Variants in GORASP2 observed in about 807,000 individuals in gnomAD.
The protein encoded by GORASP2 is Golgi reassembly-stacking protein 2.
GORASP2 carries 22 observed loss-of-function variants against 45.7 expected under a neutral mutation model. The ratio of observed to expected loss-of-function variants is 0.48; its 90% CI spans 0.34 to 0.69. The LOEUF (loss-of-function observed/expected upper bound fraction) is 0.69. Ranked by LOEUF, GORASP2 falls within the 30% of genes least tolerant of loss-of-function variation. GORASP2 has a pLI of 0.01. For missense variants in GORASP2, 491 were observed against 562.7 expected (o/e 0.87, Z 1.29); for synonymous variants, 221 against 215.6 (o/e 1.02, Z -0.22).
intron 7 of GORASP2, among the ~76,000 whole-genome samples, chr2:170,959,381 C>G (rs1229317019): frequency 6.6e-6 from 1 of 152,240 alleles, no homozygotes; most frequent in Non-Finnish European, 1.5e-5. Context: ...CTGATAAACA[C>G]ATGCACGGAG....
chr2:170,940,191 A>G (rs367839361), intron 1 of GORASP2, among the ~76,000 whole-genome samples: 1 of 152,252 alleles, frequency 6.6e-6, no homozygotes, highest in Non-Finnish European at 1.5e-5. Context: ...AGAAACATGG[A>G]TAAGTGTGTC....
chr2:170,952,755 A>C (rs1182657314), intron 5 of GORASP2, among the ~76,000 whole-genome samples: 1 of 152,208 alleles, frequency 6.6e-6, no homozygotes, highest in Non-Finnish European at 1.5e-5. Flanking sequence ...AGTTCACTGC[A>C]GCCTTTAACT....
chr2:170,941,891 C>T (rs1025018705), intron 1 of GORASP2, among the ~76,000 whole-genome samples: 7 of 152,110 alleles, frequency 4.6e-5, no homozygotes, highest in East Asian at 3.9e-4. Flanking sequence ...TTGGAATATA[C>T]GGTCAAAAGG....
chr2:170,947,300 T>C (rs1379296914), intron 1 of GORASP2, among the ~76,000 whole-genome samples: 1 of 152,246 alleles, frequency 6.6e-6, no homozygotes, highest in Non-Finnish European at 1.5e-5. Flanking sequence ...CACACTACTC[T>C]GTTGTCTAGC....
intron 1 of GORASP2, among the ~76,000 whole-genome samples, chr2:170,942,666 T>C (rs1316968684): frequency 6.6e-6 from 1 of 152,238 alleles, no homozygotes; most frequent in Non-Finnish European, 1.5e-5. Flanking sequence ...CTATAAAATT[T>C]GTGTACAGGT....
chr2:170,933,749 A>G (rs946490886), intron 1 of GORASP2, among the ~76,000 whole-genome samples: 9 of 152,204 alleles, frequency 5.9e-5, no homozygotes, highest in Non-Finnish European at 1.0e-4. Flanking sequence ...TTCTGGAGCA[A>G]GTATTCAGTG....
intron 1 of GORASP2, among the ~76,000 whole-genome samples, chr2:170,935,748 G>A (rs1182339747): frequency 6.6e-6 from 1 of 151,732 alleles, no homozygotes. Flanking sequence ...CTAATTTTTT[G>A]TATTTTCGGT....
intron 1 of GORASP2, among the ~76,000 whole-genome samples, chr2:170,934,341 C>T (rs944667131): frequency 6.6e-6 from 1 of 151,006 alleles, no homozygotes; most frequent in Non-Finnish European, 1.5e-5. Flanking sequence ...AATGGCGCAT[C>T]TCGGCTCACT....
At chr2:170,945,381 A>C (rs1704159811) in intron 1 of GORASP2, among the ~76,000 whole-genome samples, 1 of 151,912 alleles carries the variant, frequency 6.6e-6, no homozygotes, top group South Asian at 2.1e-4. Context: ...CGCTAGAAAA[A>C]ATTTAAAAAT....
intron 7 of GORASP2, among the ~76,000 whole-genome samples, chr2:170,959,776 G>A (rs1023585278): frequency 4.6e-5 from 7 of 150,950 alleles, no homozygotes; most frequent in Admixed American, 3.3e-4. Context: ...AAGTGGCATC[G>A]ATCATTGTGA....
intron 1 of GORASP2, among the ~76,000 whole-genome samples, chr2:170,933,658 A>G (rs1351690716): frequency 1.3e-5 from 2 of 151,998 alleles, no homozygotes; most frequent in Non-Finnish European, 2.9e-5. Context: ...ACAGATGCCT[A>G]TTATAGGATC....
chr2:170,929,192 G>A (rs1007447225), upstream of GORASP2: 19 of 535,568 alleles, frequency 3.5e-5, no homozygotes. Context: ...GGCTGCAGCA[G>A]AGACGATCTC....
At position 170,948,350 on chromosome 2, in the gene GORASP2, G is replaced by T. The variant is rs1248683977; in HGVS notation, c.64G>T (p.Val22Leu). 6.4e-7 allele frequency: 1 copy of T among 1,572,304 alleles called. No individual in the cohort carries two copies. The highest frequency in any genetic ancestry group is 1.1e-5 in the South Asian group (1 of 88,146). ...ATTTTTGTCGTTTTTGTTTCCGCAGGTACAAGAAAATTCCCCAGGACACAG... is the reference window on the plus strand; with the variant it reads ...ATTTTTGTCGTTTTTGTTTCCGCAGTTACAAGAAAATTCCCCAGGACACAG... Reference protein sequence around the residue: ...GGTEGYHVLRVQENSPGHRAG... With the variant: ...GGTEGYHVLRLQENSPGHRAG... The change falls in exon 2 of 10, where the codon GTA (valine) becomes TTA (leucine). Residue 22 changes from valine (V) to leucine (L), a missense_variant and splice_region_variant. Around this residue, in one of 2 missense-constraint regions of GORASP2, gnomAD observed 194 missense variants for 270.4 expected, o/e 0.72. Transcript: ENST00000234160.
At chr2:170,963,186 A>T (rs1704604989) in intron 9 of GORASP2, among the ~76,000 whole-genome samples, 1 of 152,146 alleles carries the variant, frequency 6.6e-6, no homozygotes, top group Non-Finnish European at 1.5e-5. Flanking sequence ...CAGCCTGGCC[A>T]ACATGGCAAA....
Position 170,948,375 on chromosome 2 carries a change from G to A in GORASP2, c.89G>A (p.Arg30Lys). 6.2e-7 allele frequency: 1 copy of A among 1,602,040 alleles called. No homozygotes were observed. Among genetic ancestry groups the A allele is most frequent in the East Asian group, 2.2e-5 (1 of 44,700 alleles). ...GTACAAGAAAATTCCCCAGGACACA[G>A]AGCTGGTTTGGAGCCTTTCTTTGAT... is the stretch of plus-strand genomic sequence containing the variant. ...LRVQENSPGH[R>K]AGLEPFFDFI... Residue 30 changes from arginine to lysine, a missense_variant, in exon 2 of 10, where the codon AGA (arginine) becomes AAA (lysine). Arg to Lys is a conservative substitution (Grantham distance 26). Coordinates refer to ENST00000234160, the MANE Select transcript of GORASP2 (RefSeq NM_015530.5).
At chr2:170,950,859 A>G (rs1223630261) in intron 4 of GORASP2, among the ~76,000 whole-genome samples, 6 of 152,090 alleles carry the variant, frequency 3.9e-5, no homozygotes, top group Non-Finnish European at 8.8e-5. Flanking sequence ...GTGCATGCCT[A>G]TAGTCCCAGC....
intron 8 of GORASP2, among the ~76,000 whole-genome samples, chr2:170,962,565 A>G (rs1704587683): frequency 1.3e-5 from 2 of 152,238 alleles, no homozygotes; most frequent in African/African-American, 4.8e-5. Flanking sequence ...TCGGGCCATC[A>G]TCGTTCTTAT....
Position 170,966,185 on chromosome 2 carries a change from G to A in GORASP2, c.*55G>A. On this transcript the variant is annotated 3_prime_UTR_variant, in exon 10 of 10. Transcript: ENST00000234160. ...TATATTTAACCACGGGAGCGTGTCT[G>A]GAAACGCAAACTATCATTAATTTCA... 1 of 1,222,706 alleles carries A rather than the reference G, an allele frequency of 8.2e-7. No individual in the cohort carries two copies. Among genetic ancestry groups the A allele is most frequent in the Non-Finnish European group, 1.2e-6 (1 of 825,592 alleles). 75.7% of individuals were successfully genotyped at this position (1,222,706 alleles called of 1,614,324 possible). A position where few individuals can be genotyped will look rare whatever the true frequency, so the allele number is the denominator to read the frequency against.
Position 170,949,543 on chromosome 2 carries a change from A to G in GORASP2, c.149A>G (p.Lys50Arg), listed in dbSNP as rs1279070219. Residue 50 changes from lysine to arginine, a missense_variant, in exon 3 of 10, where the codon AAA becomes AGA. By Grantham distance (26) the Lys-to-Arg change is conservative. This residue lies in a region of GORASP2 where 194 missense variants were observed against 270.4 expected (regional missense o/e 0.72). Coordinates refer to ENST00000234160, the MANE Select transcript of GORASP2 (RefSeq NM_015530.5). ...IVSINGSRLN[K>R]DNDTLKDLLK... Reference sequence around the variant, plus strand: ...GTGATTTCTATGTGTTCACAGAATAAAGACAATGACACTCTTAAGGATCTG... The same window carrying G: ...GTGATTTCTATGTGTTCACAGAATAGAGACAATGACACTCTTAAGGATCTG... 3.1e-6 allele frequency: 5 copies of G among 1,612,254 alleles called. No individual in the cohort carries two copies. In the African/African-American group the frequency reaches 6.7e-5, roughly 22 times the overall value.
Sources: allele counts gnomAD v4.1 joint callset (sites outside exome capture counted in the v4.1 genomes callset), GRCh38; gene constraint gnomAD v4.1.1; regional missense constraint gnomAD v4.1.1; transcripts MANE v1.5; gene names NCBI Gene and HGNC (gene_info 2026-07-23, HGNC 2026-07-21).